Variants in NTNG1 observed in about 807,000 individuals in gnomAD.
NTNG1 encodes the protein netrin G1.
In NTNG1, 16 loss-of-function variants were observed where a neutral mutation model predicts 54.0. The ratio of observed to expected loss-of-function variants is 0.30; its 90% confidence interval spans 0.20 to 0.45. The LOEUF (loss-of-function observed/expected upper bound fraction) is 0.45. Ranked by LOEUF, NTNG1 falls within the 20% of genes least tolerant of loss-of-function variation. The probability of loss-of-function intolerance (pLI) is 1.00; values close to 1 mark genes in which losing one functional copy is unlikely to be tolerated. For synonymous variants in NTNG1, 255 were observed against 263.1 expected, an observed-to-expected ratio of 0.97 and a Z score of 0.30; for missense variants, 530 against 678.7, an observed-to-expected ratio of 0.78 and a Z score of 2.43.
intron 2 of NTNG1, among the ~76,000 whole-genome samples, chr1:107,252,246 G>A (rs568324617): frequency 6.6e-6 from 1 of 152,274 alleles, no homozygotes; most frequent in African/African-American, 2.4e-5. Flanking sequence ...ATCTTTTACT[G>A]TAGCCCCATG....
intron 7 of NTNG1, among the ~76,000 whole-genome samples, chr1:107,479,320 A>C (rs879809378): frequency 6.6e-6 from 1 of 152,218 alleles, no homozygotes; most frequent in Non-Finnish European, 1.5e-5. Context: ...ACTGTTGAAC[A>C]TAATTAGTGG....
At chr1:107,236,978 C>T (rs7519503) in intron 2 of NTNG1, among the ~76,000 whole-genome samples, 14,997 of 152,102 alleles carry the variant, frequency 0.099, 918 homozygotes, top group African/African-American at 0.17. Context: ...AAAAGATACC[C>T]CAAATTGTGG....
chr1:107,229,991 G>A (rs893764139), intron 2 of NTNG1, among the ~76,000 whole-genome samples: 1 of 152,022 alleles, frequency 6.6e-6, no homozygotes, highest in Non-Finnish European at 1.5e-5. Flanking sequence ...ACTGTTCTGT[G>A]GTTTCTGGGA....
chr1:107,261,390 T>A (rs544671595), intron 2 of NTNG1, among the ~76,000 whole-genome samples: 1 of 152,276 alleles, frequency 6.6e-6, no homozygotes, highest in South Asian at 2.1e-4. Flanking sequence ...AATAAGGGAA[T>A]TTGTTAACAT....
chr1:107,372,629 G>A (rs1331575187), intron 3 of NTNG1, among the ~76,000 whole-genome samples: 3 of 152,064 alleles, frequency 2.0e-5, no homozygotes, highest in African/African-American at 7.2e-5. Flanking sequence ...GATGTTTTGG[G>A]GTGGAATGTT....
chr1:107,436,191 A>G (rs1212553928), intron 6 of NTNG1, among the ~76,000 whole-genome samples: 3 of 152,236 alleles, frequency 2.0e-5, no homozygotes, highest in African/African-American at 7.2e-5. Flanking sequence ...GTCCCAAATC[A>G]TAAAGTAAAA....
chr1:107,293,877 A>ACT (rs909982856), intron 2 of NTNG1, among the ~76,000 whole-genome samples: 22 of 133,958 alleles, frequency 1.6e-4, no homozygotes, highest in African/African-American at 5.4e-4. Context: ...GGAATGGTGC[A>ACT]CTTATAAGTG....
intron 3 of NTNG1, among the ~76,000 whole-genome samples, chr1:107,369,919 G>T (rs1252115990): frequency 6.6e-6 from 1 of 152,038 alleles, no homozygotes; most frequent in African/African-American, 2.4e-5. Flanking sequence ...AGCGATGAAG[G>T]TATGAATAGT....
chr1:107,238,641 T>C (rs926280020), intron 2 of NTNG1, among the ~76,000 whole-genome samples: 2 of 152,158 alleles, frequency 1.3e-5, no homozygotes, highest in African/African-American at 4.8e-5. Context: ...TGAATGAGTC[T>C]CATGAAATCT....
rs1461389616 is a variant in NTNG1 at position 107,172,114 on chromosome 1, C to G, written c.246+23275C>G. Among the ~76,000 whole-genome samples, 4 of 152,078 alleles carry G rather than the reference C, an allele frequency of 2.6e-5. No individual in the cohort carries two copies. In the East Asian group the frequency reaches 7.7e-4, roughly 29 times the overall value. ...TAACCACCTGACTACGTATGCCAAG[C>G]ATTTTGCCCCTTGCTTATTTAATCC... On this transcript the variant is annotated intron_variant, in intron 2 of 7. Coordinates refer to ENST00000370068, the MANE Select transcript of NTNG1 (RefSeq NM_001113226.3).
At chr1:107,395,433 T>G in intron 4 of NTNG1, 107 bp downstream of exon 4, 1 of 1,077,440 alleles carries the variant, frequency 9.3e-7, no homozygotes, top group Non-Finnish European at 1.4e-6. Flanking sequence ...GTTGTCTCAT[T>G]CTTCTTTAAA....
At position 107,306,472 on chromosome 1, in the gene NTNG1, C is replaced by T. The variant is rs965369328; in HGVS notation, c.247-17810C>T. Among the ~76,000 whole-genome samples, 7 of 152,276 alleles carry T rather than the reference C, an allele frequency of 4.6e-5. No individual in the cohort carries two copies. In the East Asian group the frequency reaches 1.4e-3, roughly 29 times the overall value. ...ATGACAAAAGAGTGGAAGTGGAGGC[C>T]AGGCGTGGCAGCTCATGCCTGTAAT... On this transcript the variant is annotated intron_variant, in intron 2 of 7. Coordinates refer to ENST00000370068, the MANE Select transcript of NTNG1 (RefSeq NM_001113226.3).
chr1:107,479,603 G>A (rs776254765), intron 7 of NTNG1, among the ~76,000 whole-genome samples: 5 of 152,180 alleles, frequency 3.3e-5, no homozygotes, highest in Non-Finnish European at 7.3e-5. Flanking sequence ...CTTGGGAAAT[G>A]TTCTTGGCTC....
At chr1:107,434,427 ATC>A (rs1333899994) in intron 6 of NTNG1, among the ~76,000 whole-genome samples, 1 of 152,190 alleles carries the variant, frequency 6.6e-6, no homozygotes, top group African/African-American at 2.4e-5. Context: ...TGAAGATGAC[ATC>A]CTTGCATGCT....
At chr1:107,232,475 T>A (rs2101537379) in intron 2 of NTNG1, among the ~76,000 whole-genome samples, 1 of 152,330 alleles carries the variant, frequency 6.6e-6, no homozygotes, top group South Asian at 2.1e-4. Context: ...CACCATGTGC[T>A]TATATTGCTA....
At chr1:107,460,813 T>G (rs1227452224) in intron 7 of NTNG1, among the ~76,000 whole-genome samples, 1 of 152,186 alleles carries the variant, frequency 6.6e-6, no homozygotes, top group East Asian at 1.9e-4. Flanking sequence ...AAAACAACAC[T>G]GCTGTGACAC....
At chr1:107,358,927 A>G (rs769315251) in intron 3 of NTNG1, among the ~76,000 whole-genome samples, 3 of 152,198 alleles carry the variant, frequency 2.0e-5, no homozygotes, top group Non-Finnish European at 4.4e-5. Flanking sequence ...CTCCACTGTA[A>G]ATTAATCTAA....
chr1:107,170,150 ACGAGTT>A (rs1656110605), intron 2 of NTNG1, among the ~76,000 whole-genome samples: 1 of 152,194 alleles, frequency 6.6e-6, no homozygotes, highest in Non-Finnish European at 1.5e-5. Context: ...TGTAGCCTAG[ACGAGTT>A]GATGCATCAA....
intron 2 of NTNG1, among the ~76,000 whole-genome samples, chr1:107,280,683 C>T (rs1383680630): frequency 6.7e-6 from 1 of 150,094 alleles, no homozygotes; most frequent in African/African-American, 2.5e-5. Flanking sequence ...ATTCAGAGCT[C>T]GTTACTGGGC....
Sources: gnomAD v4.1 joint callset for allele counts (sites outside exome capture counted in the v4.1 genomes callset) on GRCh38, gnomAD v4.1.1 for gene constraint, MANE v1.5 for transcripts, NCBI Gene and HGNC (gene_info 2026-07-23, HGNC 2026-07-21) for gene names.